GTPBP6: variants seen among roughly 807,000 people sequenced by gnomAD.
The protein encoded by GTPBP6 is GTP binding protein 6, also known as putative GTP-binding protein 6.
Under a neutral mutation model 28.9 loss-of-function variants are expected in GTPBP6, and 33 were observed. The ratio of observed to expected loss-of-function variants is 1.14; its 90% CI spans 0.87 to 1.53. The LOEUF is 1.53. Ranked by LOEUF, GTPBP6 falls within the 40% of genes most tolerant of loss-of-function variation. GTPBP6 has a pLI of 0.00. For synonymous variants in GTPBP6, 231 were observed against 192.7 expected (o/e 1.20, Z -1.65); for missense variants, 507 against 408.3 (o/e 1.24, Z -2.08).
At chrX:313,656 C>T (rs1451838670) in intron 5 of GTPBP6, among the ~76,000 whole-genome samples, 1 of 152,050 alleles carries the variant, frequency 6.6e-6, no homozygotes, top group African/African-American at 2.4e-5. Flanking sequence ...TGACATGTGT[C>T]CTTGTAAGAG....
At chrX:316,596 G>A (rs1371971829) in intron 2 of GTPBP6, among the ~76,000 whole-genome samples, 24 of 152,300 alleles carry the variant, frequency 1.6e-4, no homozygotes, top group African/African-American at 5.8e-4. Context: ...AGGAGGATTT[G>A]GCTGGGGCCT....
chrX:317,662 G>A (rs1206399983), intron 1 of GTPBP6, among the ~76,000 whole-genome samples: 5 of 149,868 alleles, frequency 3.3e-5, no homozygotes, highest in African/African-American at 1.2e-4. Context: ...GAGAAACGTA[G>A]GTCCCATCGG....
At chrX:314,085 G>C (rs1352365575) in intron 5 of GTPBP6, 65 bp downstream of exon 5, 2 of 1,130,134 alleles carry the variant, frequency 1.8e-6, no homozygotes, top group South Asian at 2.5e-5. Flanking sequence ...GGGCTGAGAA[G>C]GGTGGCTGCC....
At position 312,910 on chromosome X, in the gene GTPBP6, G is replaced by C. The variant is rs2124465269; in HGVS notation, c.772C>G (p.Gln258Glu). ...TCTCTCAGGAGACGCTGCTGCAGCT[G>C]CATGAAGGATTCTCCTAAAAGACAC... Residue 258 changes from glutamine (Q) to glutamate (E), a missense_variant, in exon 6 of 10, where the codon CAG (glutamine) becomes GAG (glutamate). Coordinates refer to ENST00000326153, the Ensembl canonical transcript of GTPBP6. 3 of 1,612,106 alleles carry C rather than the reference G, an allele frequency of 1.9e-6. No homozygotes were observed. The East Asian group carries it at 6.7e-5, about 36-fold the overall frequency.
At chrX:309,216 A>G (rs969701582) in intron 7 of GTPBP6, among the ~76,000 whole-genome samples, 3 of 152,130 alleles carry the variant, frequency 2.0e-5, no homozygotes, top group South Asian at 2.1e-4. Flanking sequence ...TTGCTTGACA[A>G]TATTTCCCCG....
At chrX:305,042 C>A (rs1395922596) in exon 10 of GTPBP6, 1 of 1,608,258 alleles carries the variant, frequency 6.2e-7, no homozygotes, top group Non-Finnish European at 8.5e-7. Flanking sequence ...GGCAGCGATG[C>A]CCCCACCCCG....
chrX:311,309 G>GGCTGTGTGTGTCTGAGTGCCCGACCCCT (rs2124458167), intron 7 of GTPBP6, 110 bp downstream of exon 7: 1 of 677,098 alleles, frequency 1.5e-6, no homozygotes, highest in East Asian at 3.5e-5. Flanking sequence ...CCCGGCCCCT[G>GGCTGTGTGTGTCTGAGTGCCCGACCCCT]GGCTGAGTGG....
At chrX:315,256 G>A (rs1431941292) in exon 3 of GTPBP6, 3 of 398,580 alleles carry the variant, frequency 7.5e-6, no homozygotes, top group South Asian at 1.3e-4. Context: ...TCCTCTCCAC[G>A]TTCAGGAAGA....
rs1364173045 is a variant in GTPBP6, at chrX:308,394, TTTTG to T, written c.1126-518_1126-515del. Among the ~76,000 whole-genome samples, 6 of 152,340 alleles carry T rather than the reference TTTTG, an allele frequency of 3.9e-5. No homozygotes were observed. In the South Asian group the frequency reaches 6.2e-4, roughly 16 times the overall value. Reference sequence around the variant, plus strand: ...TACTACCGGGGTATCCACGTCTACTTTTTGTTTGTTTGGATGCACTTAATACAAA... The same window carrying T: ...TACTACCGGGGTATCCACGTCTACTTTTTGTTTGGATGCACTTAATACAAA... On this transcript the variant is annotated intron_variant, in intron 7 of 9. Transcript: ENST00000326153.
At chrX:316,334 A>C in intron 2 of GTPBP6, among the ~76,000 whole-genome samples, 1 of 66,992 alleles carries the variant, frequency 1.5e-5, no homozygotes, top group Non-Finnish European at 3.3e-5. Context: ...GACACATCCC[A>C]TTGGGGACAC....
intron 7 of GTPBP6, 75 bp from the exon 8 acceptor site, chrX:307,955 G>A: frequency 7.6e-7 from 1 of 1,319,868 alleles, no homozygotes. Context: ...AGGCCCAGGA[G>A]AGGGGCTCAC....
At chrX:306,185 T>C (rs1228892785) in intron 9 of GTPBP6, among the ~76,000 whole-genome samples, 1 of 152,148 alleles carries the variant, frequency 6.6e-6, no homozygotes, top group Non-Finnish European at 1.5e-5. Flanking sequence ...AGGCACCTGT[T>C]GTATGCAGTC....
intron 4 of GTPBP6, 33 bp from the exon 5 acceptor site, chrX:314,250 C>A (rs190231584): frequency 6.4e-7 from 1 of 1,560,872 alleles, no homozygotes; most frequent in Non-Finnish European, 8.8e-7. Context: ...TCGGTCTCTG[C>A]GGACGCTGTC....
intron 1 of GTPBP6, 65 bp from the exon 2 acceptor site, chrX:317,116 G>A (rs2070452850): frequency 1.3e-5 from 5 of 393,344 alleles, no homozygotes; most frequent in South Asian, 1.3e-4. Context: ...ACACCTGCCC[G>A]GGGAGGCCTC....
In GTPBP6 at chrX:316,881, G is replaced by A. The variant is rs2070449349; in HGVS notation, c.487+33C>T. 2.0e-5 allele frequency: 8 copies of A among 398,736 alleles called. No individual in the cohort carries two copies. In the South Asian group the frequency reaches 7.6e-4, roughly 38 times the overall value. The allele number at this position is 398,736 out of a possible 1,614,324, so 24.7% of individuals were successfully genotyped here. A position where few individuals can be genotyped will look rare whatever the true frequency, so the allele number is the denominator to read the frequency against. ...TCGGTAGCGGCGGACAGGAAAGGAG[G>A]TTTGGGGAAGGAGCAGGTCTGGACG... On this transcript the variant is annotated intron_variant, in intron 2 of 9. Transcript: ENST00000326153.
chrX:307,272 T>A (rs2070190325), intron 9 of GTPBP6, 88 bp downstream of exon 9: 2 of 1,246,356 alleles, frequency 1.6e-6, no homozygotes, highest in Non-Finnish European at 2.3e-6. Flanking sequence ...ATCTCACAGC[T>A]CCTTGTGCAC....
chrX:311,940 G>A, intron 6 of GTPBP6: 1 of 575,460 alleles, frequency 1.7e-6, no homozygotes, highest in Non-Finnish European at 3.1e-6. Flanking sequence ...GTAGATGGTG[G>A]GATGGTGTAG....
chrX:316,774 G>T (rs2070447806), intron 2 of GTPBP6, 140 bp downstream of exon 2: 1 of 397,896 alleles, frequency 2.5e-6, no homozygotes, highest in Non-Finnish European at 4.4e-6. Context: ...TGTGCTCCCA[G>T]CTCACCTGGG....
chrX:318,307 T>A, intron 1 of GTPBP6, 132 bp downstream of exon 1: 1 of 364,964 alleles, frequency 2.7e-6, no homozygotes, highest in Non-Finnish European at 4.7e-6. Flanking sequence ...ACCCCGCCCC[T>A]GAATCTCCAC....
Sources: allele counts gnomAD v4.1 joint callset (sites outside exome capture counted in the v4.1 genomes callset), GRCh38; gene constraint gnomAD v4.1.1; transcripts MANE v1.5; gene names NCBI Gene and HGNC (gene_info 2026-07-23, HGNC 2026-07-21).